STPG2: variants seen among roughly 807,000 people sequenced by gnomAD.
The protein encoded by STPG2 is sperm tail PG-rich repeat containing 2.
STPG2 carries 56 observed loss-of-function variants against 54.2 expected under a neutral mutation model. The ratio of observed to expected loss-of-function variants is 1.03; its 90% CI spans 0.83 to 1.29. The LOEUF is 1.29. Ranked by LOEUF, STPG2 falls within the 50% of genes most tolerant of loss-of-function variation. The pLI, the probability that STPG2 is intolerant of heterozygous loss-of-function variation, is 0.00. For missense variants in STPG2, 596 were observed against 544.9 expected, an observed-to-expected ratio of 1.09 and a Z score of -0.93; for synonymous variants, 200 against 181.8, an observed-to-expected ratio of 1.10 and a Z score of -0.81.
rs1387605435 is a variant in STPG2 at position 98,003,624 on chromosome 4, A to T, written c.613-22306T>A. Among the ~76,000 whole-genome samples, 4 of 152,096 alleles carry T rather than the reference A, an allele frequency of 2.6e-5. No homozygotes were observed. In the South Asian group the frequency reaches 8.3e-4, roughly 31 times the overall value. On this transcript the variant is annotated intron_variant, in intron 5 of 10. Coordinates refer to ENST00000295268, the MANE Select transcript of STPG2 (RefSeq NM_174952.3). Reference sequence around the variant, plus strand: ...ATGAAATCATAATCTTCTTACTGGCATTAGATTTATATTTCATTTCAAAAG... The same window carrying T: ...ATGAAATCATAATCTTCTTACTGGCTTTAGATTTATATTTCATTTCAAAAG...
At chr4:97,558,231 A>C (rs992984630), downstream of STPG2, among the ~76,000 whole-genome samples, 2 of 152,190 alleles carry the variant, frequency 1.3e-5, no homozygotes, top group Non-Finnish European at 2.9e-5. Flanking sequence ...AGTCTGGGAA[A>C]TGTTACTTAC....
chr4:97,970,839 A>G (rs898534160), intron 7 of STPG2, among the ~76,000 whole-genome samples: 3 of 152,250 alleles, frequency 2.0e-5, no homozygotes, highest in African/African-American at 7.2e-5. Context: ...GAGCTTCTGC[A>G]TGGCAAAAGA....
Position 97,775,767 on chromosome 4 carries a change from G to C in STPG2, c.1205-62953C>G, listed in dbSNP as rs1486990072. Among the ~76,000 whole-genome samples the C allele has an allele frequency of 2.0e-5, 3 of 152,184 alleles. 1 individual carries two copies. The East Asian group carries it at 5.8e-4, about 29-fold the overall frequency. ...GCAATATGGTAAAGAAATCAGTATT[G>C]ATTATTATTATTATTTTTAAAACAG... On this transcript the variant is annotated intron_variant, in intron 9 of 10. Coordinates refer to ENST00000295268, the MANE Select transcript of STPG2 (RefSeq NM_174952.3).
At chr4:98,017,961 C>T (rs1226006704) in intron 5 of STPG2, among the ~76,000 whole-genome samples, 1 of 152,102 alleles carries the variant, frequency 6.6e-6, no homozygotes, top group Admixed American at 6.6e-5. Flanking sequence ...TTCCTGAGGC[C>T]TCCCTAGCCA....
chr4:97,956,540 C>A (rs1733682375), intron 7 of STPG2, among the ~76,000 whole-genome samples: 1 of 152,062 alleles, frequency 6.6e-6, no homozygotes. Context: ...AACACACAGA[C>A]CCACTGAAAA....
intron 10 of STPG2, among the ~76,000 whole-genome samples, chr4:97,705,524 T>C (rs58689649): frequency 0.59 from 89,249 of 151,508 alleles, 26,589 homozygotes; most frequent in South Asian, 0.68. Flanking sequence ...CGGGGTTTCA[T>C]CATGTTGACC....
intron 8 of STPG2, among the ~76,000 whole-genome samples, chr4:97,841,896 T>C (rs1304960912): frequency 6.6e-6 from 1 of 151,790 alleles, no homozygotes; most frequent in Non-Finnish European, 1.5e-5. Flanking sequence ...TGGTACCTGT[T>C]TCTATAAAAG....
chr4:97,513,989 A>G (rs1367202955), intron 4 of STPG2, among the ~76,000 whole-genome samples: 1 of 152,130 alleles, frequency 6.6e-6, no homozygotes, highest in African/African-American at 2.4e-5. Context: ...GTCAGAAACA[A>G]TGCTTCAAAA....
chr4:97,757,196 T>C (rs1321005273), intron 9 of STPG2, among the ~76,000 whole-genome samples: 1 of 152,208 alleles, frequency 6.6e-6, no homozygotes. Context: ...GTCCCTCTTA[T>C]TTACAATTCA....
intron 8 of STPG2, among the ~76,000 whole-genome samples, chr4:97,912,834 GC>G (rs1731731611): frequency 6.6e-6 from 1 of 152,152 alleles, no homozygotes. Flanking sequence ...ATTCTAAGAA[GC>G]TTTTTAAGAG....
intron 4 of STPG2, among the ~76,000 whole-genome samples, chr4:97,537,630 T>C (rs893561885): frequency 1.3e-5 from 2 of 152,172 alleles, no homozygotes; most frequent in Non-Finnish European, 2.9e-5. Context: ...AGGGCATAGC[T>C]GAACAAAAGG....
At chr4:97,564,056 G>A (rs1267433193) in intron 10 of STPG2, among the ~76,000 whole-genome samples, 1 of 152,136 alleles carries the variant, frequency 6.6e-6, no homozygotes, top group East Asian at 1.9e-4. Flanking sequence ...CATTATTATT[G>A]TGTGAGAGTC....
At chr4:97,976,163 T>A (rs1578749154) in intron 6 of STPG2, among the ~76,000 whole-genome samples, 1 of 152,192 alleles carries the variant, frequency 6.6e-6, no homozygotes, top group East Asian at 1.9e-4. Flanking sequence ...TCTACAAAAA[T>A]TCTGTTGTGC....
At chr4:97,681,143 A>G (rs1243169121) in intron 10 of STPG2, among the ~76,000 whole-genome samples, 1 of 151,962 alleles carries the variant, frequency 6.6e-6, no homozygotes, top group Non-Finnish European at 1.5e-5. Flanking sequence ...ATACAGATGT[A>G]AAAAGAAACC....
chr4:97,529,413 C>T (rs572862900), intron 4 of STPG2, among the ~76,000 whole-genome samples: 14 of 152,210 alleles, frequency 9.2e-5, no homozygotes, highest in Non-Finnish European at 1.6e-4. Context: ...TTTGCATTGA[C>T]ATTCATCAGG....
At chr4:97,479,247 C>T (rs995197598) in intron 4 of STPG2, among the ~76,000 whole-genome samples, 7 of 151,642 alleles carry the variant, frequency 4.6e-5, no homozygotes, top group Admixed American at 2.6e-4. Flanking sequence ...AATCACTGAT[C>T]GTATATATGG....
At chr4:97,713,731 C>G (rs113195194) in intron 9 of STPG2, among the ~76,000 whole-genome samples, 7 of 152,284 alleles carry the variant, frequency 4.6e-5, no homozygotes, top group African/African-American at 1.7e-4. Context: ...AGTCTGATTT[C>G]TAACAGGCCA....
chr4:97,994,176 A>C (rs151240102), intron 5 of STPG2, among the ~76,000 whole-genome samples: 57 of 152,094 alleles, frequency 3.7e-4, no homozygotes, highest in Non-Finnish European at 5.6e-4. Context: ...CATTCTTACC[A>C]TTCAGTTCAA....
In STPG2 at chr4:97,598,161, G is replaced by A. The variant is rs187866940; in HGVS notation, c.1321-39044C>T. On this transcript the variant is annotated intron_variant, in intron 10 of 10. Coordinates refer to ENST00000295268, the MANE Select transcript of STPG2 (RefSeq NM_174952.3). Reference sequence around the variant, plus strand: ...AATAGCCACAAAAAGAAACAAATACGTAGGAATACAGCTAACAGGGAAGGT... The same window carrying A: ...AATAGCCACAAAAAGAAACAAATACATAGGAATACAGCTAACAGGGAAGGT... Among the ~76,000 whole-genome samples, 628 of 151,936 alleles carry A rather than the reference G, an allele frequency of 4.1e-3. 3 individuals carry two copies. The highest frequency in any genetic ancestry group is 0.021 in the South Asian group (99 of 4,816).
Sources: gnomAD v4.1 joint callset for allele counts (sites outside exome capture counted in the v4.1 genomes callset) on GRCh38, gnomAD v4.1.1 for gene constraint, MANE v1.5 for transcripts, NCBI Gene and HGNC (gene_info 2026-07-23, HGNC 2026-07-21) for gene names.